Variants in NEBL observed in about 807,000 individuals in gnomAD.
The protein encoded by NEBL is LIM and SH3 protein 2.
A neutral mutation model predicts 140.2 loss-of-function variants in NEBL; 122 were observed. That is an observed-to-expected ratio of 0.87 (90% CI 0.75 to 1.01). The LOEUF is 1.01. Ranked by LOEUF, NEBL falls within the 50% of genes least tolerant of loss-of-function variation. The pLI is 0.00. For synonymous variants in NEBL, 436 were observed against 398.9 expected (o/e 1.09, Z -1.11); for missense variants, 1,365 against 1,231.3 (o/e 1.11, Z -1.62).
chr10:20,833,880 A>C (rs1027641797), intron 14 of NEBL, among the ~76,000 whole-genome samples: 1 of 152,206 alleles, frequency 6.6e-6, no homozygotes, highest in African/African-American at 2.4e-5. Flanking sequence ...GTGGCAAGAA[A>C]GATGGATTTA....
intron 2 of NEBL, among the ~76,000 whole-genome samples, chr10:21,052,462 C>T (rs1326947310): frequency 6.6e-6 from 1 of 152,158 alleles, no homozygotes; most frequent in African/African-American, 2.4e-5. Flanking sequence ...CACCCACAGC[C>T]CAATCCAGCC....
At chr10:20,831,636 T>C in intron 14 of NEBL, 53 bp from the exon 15 acceptor site, 1 of 1,193,784 alleles carries the variant, frequency 8.4e-7, no homozygotes, top group South Asian at 1.2e-5. Context: ...GAGAAACTGC[T>C]CAAAAATCGA....
rs71578957 is a variant in NEBL, at chr10:20,815,626, G to A, written c.2240C>T (p.Ser747Leu). ...TCTAAAATGAAGAAAACCACTTGCC[G>A]AGCTAATATTTTCTTGATTCTTCTT... ...RVKKNQENIS[S>L]VKYTQDHKQM... Residue 747 changes from serine to leucine, a missense_variant and splice_region_variant, in exon 22 of 28, where the codon TCG becomes TTG. Physicochemically the swap from Ser to Leu is moderately radical, Grantham distance 145. Around this residue, in one of 2 missense-constraint regions of NEBL, gnomAD observed 1,323 missense variants for 1,154.8 expected, o/e 1.15. Transcript: ENST00000377122. The A allele has an allele frequency of 4.1e-5, 65 of 1,601,774 alleles. No individual in the cohort carries two copies. The highest frequency in any genetic ancestry group is 3.6e-4 in the East Asian group (16 of 44,754).
At chr10:20,952,854 G>A (rs1343370414) in intron 4 of NEBL, among the ~76,000 whole-genome samples, 3 of 132,352 alleles carry the variant, frequency 2.3e-5, no homozygotes, top group South Asian at 2.4e-4. Flanking sequence ...GCAGTAAGCC[G>A]AGATTGCACC....
At chr10:20,816,351 G>A (rs1349048856) in intron 21 of NEBL, among the ~76,000 whole-genome samples, 5 of 152,196 alleles carry the variant, frequency 3.3e-5, no homozygotes, top group Admixed American at 1.3e-4. Flanking sequence ...CTACATGGTC[G>A]TGGTTTCTTA....
intron 3 of NEBL, among the ~76,000 whole-genome samples, chr10:21,017,263 A>G (rs1838591705): frequency 6.6e-6 from 1 of 152,254 alleles, no homozygotes; most frequent in Non-Finnish European, 1.5e-5. Context: ...CTTGGAATAC[A>G]GCAACACTGT....
At chr10:21,071,509 G>T (rs1762969055) in intron 2 of NEBL, among the ~76,000 whole-genome samples, 1 of 152,164 alleles carries the variant, frequency 6.6e-6, no homozygotes, top group Admixed American at 6.5e-5. Context: ...ATCTGGCAAA[G>T]ATCTGTGGTT....
intron 4 of NEBL, among the ~76,000 whole-genome samples, chr10:20,917,088 G>A (rs1833336399): frequency 6.6e-6 from 1 of 152,142 alleles, no homozygotes; most frequent in African/African-American, 2.4e-5. Flanking sequence ...TCCTGATTAT[G>A]GGAACTAGAC....
At chr10:21,231,572 G>A (rs1842252910) in intron 3 of NEBL, among the ~76,000 whole-genome samples, 1 of 151,946 alleles carries the variant, frequency 6.6e-6, no homozygotes, top group South Asian at 2.1e-4. Context: ...AAAAGAAAAA[G>A]AAAAGAGGAT....
At chr10:20,867,604 T>C (rs1005158491) in intron 7 of NEBL, among the ~76,000 whole-genome samples, 4 of 152,166 alleles carry the variant, frequency 2.6e-5, no homozygotes, top group African/African-American at 9.6e-5. Flanking sequence ...GTTATCCTTA[T>C]GTAGTATATA....
chr10:21,149,825 G>A (rs926555913), intron 2 of NEBL, among the ~76,000 whole-genome samples: 1 of 152,182 alleles, frequency 6.6e-6, no homozygotes, highest in African/African-American at 2.4e-5. Flanking sequence ...GCTATGTCCA[G>A]GTAGATAGGG....
In NEBL at chr10:20,781,499, T is replaced by C. The variant is rs1835034992; in HGVS notation, c.*4248A>G. 1 of 152,186 alleles carries C rather than the reference T, an allele frequency of 6.6e-6. No homozygotes were observed. The highest frequency in any genetic ancestry group is 1.5e-5 in the Non-Finnish European group (1 of 68,032). The allele number at this position is 152,186 out of a possible 1,614,324, so 9.4% of individuals were successfully genotyped here. A position where few individuals can be genotyped will look rare whatever the true frequency, so the allele number is the denominator to read the frequency against. Reference sequence around the variant, plus strand: ...TGGAGAATGGGACTGTGATGCAGTTTTCTCTTTTCCTTTAAAGTACATCAT... The same window carrying C: ...TGGAGAATGGGACTGTGATGCAGTTCTCTCTTTTCCTTTAAAGTACATCAT... On this transcript the variant is annotated 3_prime_UTR_variant, in exon 28 of 28. Transcript: ENST00000377122.
chr10:21,058,083 C>T (rs61617198), intron 2 of NEBL, among the ~76,000 whole-genome samples: 3 of 152,142 alleles, frequency 2.0e-5, no homozygotes, highest in African/African-American at 7.2e-5. Context: ...AGCATGTTTT[C>T]TCAGAAATGA....
At chr10:21,008,944 A>T (rs923684664) in intron 3 of NEBL, among the ~76,000 whole-genome samples, 14 of 151,540 alleles carry the variant, frequency 9.2e-5, no homozygotes, top group African/African-American at 3.4e-4. Flanking sequence ...TTTATTATAT[A>T]TGTATATAAA....
At chr10:21,250,776 A>T (rs1449019579) in intron 2 of NEBL, among the ~76,000 whole-genome samples, 3 of 152,064 alleles carry the variant, frequency 2.0e-5, no homozygotes, top group African/African-American at 4.8e-5. Context: ...TTAGCCAGGC[A>T]TGGTGGTAGG....
chr10:20,891,087 T>C (rs1472567117), intron 2 of NEBL, among the ~76,000 whole-genome samples: 2 of 152,186 alleles, frequency 1.3e-5, no homozygotes, highest in Non-Finnish European at 2.9e-5. Flanking sequence ...ACACTAATGG[T>C]ACATGGAGAT....
intron 4 of NEBL, among the ~76,000 whole-genome samples, chr10:20,921,150 G>C (rs1589014653): frequency 6.6e-6 from 1 of 152,298 alleles, no homozygotes; most frequent in African/African-American, 2.4e-5. Flanking sequence ...GGAAACAAAT[G>C]CTGATATTTT....
chr10:21,206,665 C>T (rs760694407), intron 3 of NEBL, among the ~76,000 whole-genome samples: 14 of 152,208 alleles, frequency 9.2e-5, no homozygotes, highest in Admixed American at 1.3e-4. Context: ...AACCTCAAAT[C>T]TATCTCACCA....
intron 3 of NEBL, among the ~76,000 whole-genome samples, chr10:20,980,504 G>C (rs1033799530): frequency 6.6e-6 from 1 of 152,132 alleles, no homozygotes; most frequent in Non-Finnish European, 1.5e-5. Flanking sequence ...ACATACAATC[G>C]TTGGTTAAGG....
Sources: allele counts gnomAD v4.1 joint callset (sites outside exome capture counted in the v4.1 genomes callset), GRCh38; gene constraint gnomAD v4.1.1; regional missense constraint gnomAD v4.1.1; transcripts MANE v1.5; gene names NCBI Gene and HGNC (gene_info 2026-07-23, HGNC 2026-07-21).